PLEKHB2: variants seen among roughly 807,000 people sequenced by gnomAD.
PLEKHB2 encodes pleckstrin homology domain-containing family B member 2.
Under a neutral mutation model 36.5 loss-of-function variants are expected in PLEKHB2, and 31 were observed. The ratio of observed to expected loss-of-function variants is 0.85; its 90% CI spans 0.64 to 1.15. The LOEUF (loss-of-function observed/expected upper bound fraction) is 1.15, where lower values mean the gene tolerates loss of function less well. Ranked by LOEUF, PLEKHB2 falls within the 50% of genes most tolerant of loss-of-function variation. The probability of loss-of-function intolerance (pLI) is 0.00; values close to 1 mark genes in which losing one functional copy is unlikely to be tolerated. For missense variants in PLEKHB2, 262 were observed against 295.3 expected (o/e 0.89, Z 0.83); for synonymous variants, 119 against 112.0 (o/e 1.06, Z -0.39).
At position 131,149,107 on chromosome 2, in the gene PLEKHB2, CA is replaced by C. The variant is rs1699502442; in HGVS notation, c.*2335del. ...GTCCCCATCCTAGTGGGGCCAGTCT[CA>C]TTAGGCAGCCATAGATAAGCCTGGA... On this transcript the variant is annotated 3_prime_UTR_variant, in exon 8 of 8. Transcript: ENST00000693505. 1 of 152,192 alleles carries C rather than the reference CA, an allele frequency of 6.6e-6. No homozygotes were observed. Among genetic ancestry groups the C allele is most frequent in the Admixed American group, 6.5e-5 (1 of 15,278 alleles). The allele number at this position is 152,192 out of a possible 1,614,324, so 9.4% of individuals were successfully genotyped here. A position where few individuals can be genotyped will look rare whatever the true frequency, so the allele number is the denominator to read the frequency against.
At chr2:131,143,562 A>G (rs1399323107) in intron 7 of PLEKHB2, among the ~76,000 whole-genome samples, 2 of 152,238 alleles carry the variant, frequency 1.3e-5, no homozygotes, top group East Asian at 3.8e-4. Flanking sequence ...TGGTTTACCA[A>G]CTTATAATGC....
chr2:131,135,174 C>T (rs558236430), intron 6 of PLEKHB2, among the ~76,000 whole-genome samples: 7 of 152,054 alleles, frequency 4.6e-5, no homozygotes, highest in East Asian at 1.9e-4. Flanking sequence ...TGGGTTCAAG[C>T]GATTCTCCTG....
chr2:131,144,502 C>A, intron 7 of PLEKHB2: 1 of 698,864 alleles, frequency 1.4e-6, no homozygotes, highest in Non-Finnish European at 2.0e-6. Context: ...TCCCATCCTC[C>A]CATCTTTTAT....
chr2:131,121,126 CTG>C (rs1344882884), intron 2 of PLEKHB2, 148 bp downstream of exon 2: 5 of 717,466 alleles, frequency 7.0e-6, no homozygotes, highest in Non-Finnish European at 1.2e-5. Flanking sequence ...TCCTAGATCT[CTG>C]TGAACTGTCT....
intron 2 of PLEKHB2, 26 bp from the exon 3 acceptor site, chr2:131,125,727 A>AT (rs773757991): frequency 1.9e-6 from 3 of 1,572,980 alleles, no homozygotes; most frequent in East Asian, 4.5e-5. Context: ...AAAAAAAAAA[A>AT]CAACCGTACT....
chr2:131,130,624 A>T, intron 4 of PLEKHB2, 97 bp from the exon 5 acceptor site: 1 of 925,918 alleles, frequency 1.1e-6, no homozygotes, highest in Non-Finnish European at 1.8e-6. Flanking sequence ...CTTGTTTTTT[A>T]AACAGATCTT....
intron 1 of PLEKHB2, among the ~76,000 whole-genome samples, chr2:131,118,691 C>T (rs563107616): frequency 2.0e-4 from 30 of 151,326 alleles, no homozygotes; most frequent in Non-Finnish European, 4.3e-4. Context: ...TGGTGAAACC[C>T]CGTCTTTACT....
chr2:131,120,396 T>G (rs1215320552), intron 1 of PLEKHB2: 1 of 155,418 alleles, frequency 6.4e-6, no homozygotes, highest in East Asian at 1.9e-4. Context: ...TTCTAATTTA[T>G]CACTTTTAAA....
rs146376876 is a variant in PLEKHB2 at position 131,133,403 on chromosome 2, G to A, written c.423+412G>A. On this transcript the variant is annotated intron_variant, in intron 6 of 7. Transcript: ENST00000693505. The stretch of plus-strand genomic sequence containing the variant: ...GTCCTCTTGTTGGGGTGCTGACTGA[G>A]CTAGTGGAACGTATGTAAGTCTGTT... Among the ~76,000 whole-genome samples the A allele has an allele frequency of 3.8e-3, 585 of 152,310 alleles. 1 individual carries two copies. Among genetic ancestry groups the A allele is most frequent in the Non-Finnish European group, 6.3e-3 (429 of 68,032 alleles).
intron 6 of PLEKHB2, among the ~76,000 whole-genome samples, chr2:131,133,891 T>C (rs1045370814): frequency 2.6e-5 from 4 of 151,702 alleles, no homozygotes; most frequent in Admixed American, 1.3e-4. Context: ...ATCCTTTTTA[T>C]TGCTGAGTGG....
At chr2:131,116,437 A>T (rs1191887925) in intron 1 of PLEKHB2, among the ~76,000 whole-genome samples, 2 of 152,224 alleles carry the variant, frequency 1.3e-5, no homozygotes, top group African/African-American at 2.4e-5. Flanking sequence ...TATGAAGAAA[A>T]GAGGTTTAGT....
chr2:131,135,391 ACTT>A (rs1698138416), intron 6 of PLEKHB2, among the ~76,000 whole-genome samples: 2 of 152,142 alleles, frequency 1.3e-5, no homozygotes, highest in South Asian at 4.1e-4. Context: ...TTCTAAGCTC[ACTT>A]ACTCTATTTC....
intron 1 of PLEKHB2, 153 bp from the exon 2 acceptor site, chr2:131,120,781 G>A: frequency 1.4e-6 from 1 of 736,618 alleles, no homozygotes; most frequent in Non-Finnish European, 2.5e-6. Flanking sequence ...CCCCAATGAG[G>A]AGGTGTTTGT....
chr2:131,111,035 C>A lies in PLEKHB2; in HGVS notation c.-9+5637C>A, dbSNP rs111584817. ...AATTTTTTTTTTTGAGACGGAGTCTCGCTGTGATGCCCAGGCTGGAATGCA... is the reference window on the plus strand; with the variant it reads ...AATTTTTTTTTTTGAGACGGAGTCTAGCTGTGATGCCCAGGCTGGAATGCA... On this transcript the variant is annotated intron_variant, in intron 1 of 7. Transcript: ENST00000693505. 8.0e-3 allele frequency among the ~76,000 whole-genome samples: 1,213 copies of A among 152,024 alleles called. 11 individuals are homozygous for A. The highest frequency in any genetic ancestry group is 0.012 in the Non-Finnish European group (837 of 67,996).
intron 4 of PLEKHB2, among the ~76,000 whole-genome samples, chr2:131,130,021 T>C (rs1003266318): frequency 6.6e-6 from 1 of 152,032 alleles, no homozygotes; most frequent in Admixed American, 6.6e-5. Context: ...GTAAGGGTAA[T>C]AGGGATGTTA....
chr2:131,114,989 C>T (rs1695706875), intron 1 of PLEKHB2, among the ~76,000 whole-genome samples: 1 of 152,146 alleles, frequency 6.6e-6, no homozygotes, highest in Admixed American at 6.5e-5. Context: ...TTAGTCTGTT[C>T]TCACGCTGCT....
In PLEKHB2 at chr2:131,146,729, G is replaced by T; in HGVS notation, c.625G>T (p.Ala209Ser). 6.2e-7 allele frequency: 1 copy of T among 1,613,920 alleles called. No homozygotes were observed. The highest frequency in any genetic ancestry group is 8.5e-7 in the Non-Finnish European group (1 of 1,179,866). The change falls in exon 8 of 8, where the codon GCA becomes TCA. Residue 209 changes from alanine (A) to serine (S), a missense_variant. Transcript: ENST00000693505. ...SDLALGMLAGAATGMALGSLF... is the reference protein window; with the variant it reads ...SDLALGMLAGSATGMALGSLF... ...CCTGGCACTGGGCATGCTGGCAGGA[G>T]CAGCCACGGGCATGGCCTTAGGGTC...
At chr2:131,142,594 G>T (rs1698907840) in intron 7 of PLEKHB2, among the ~76,000 whole-genome samples, 2 of 140,306 alleles carry the variant, frequency 1.4e-5, no homozygotes, top group African/African-American at 5.3e-5. Context: ...TTTTTGAGAT[G>T]GAGTTTCACT....
chr2:131,111,742 C>T (rs904597596), intron 1 of PLEKHB2, among the ~76,000 whole-genome samples: 17 of 151,998 alleles, frequency 1.1e-4, no homozygotes, highest in Non-Finnish European at 1.8e-4. Flanking sequence ...CTACTCTCCT[C>T]GGCCTCCTAA....
Sources: gnomAD v4.1 joint callset for allele counts (sites outside exome capture counted in the v4.1 genomes callset) on GRCh38, gnomAD v4.1.1 for gene constraint, MANE v1.5 for transcripts, NCBI Gene and HGNC (gene_info 2026-07-23, HGNC 2026-07-21) for gene names.